Variants in GAREM2 observed in about 807,000 individuals in gnomAD.
GAREM2 encodes GRB2 associated regulator of MAPK1 subtype 2, also known as GRB2-associated and regulator of MAPK protein 2.
In GAREM2, 30 loss-of-function variants were observed where a neutral mutation model predicts 55.6. The observed-to-expected ratio is 0.54, with a 90% CI of 0.40 to 0.73. The LOEUF (loss-of-function observed/expected upper bound fraction) is 0.73, where lower values mean the gene tolerates loss of function less well. Among genes scored for constraint, GAREM2 ranks in the 30% least tolerant of loss-of-function variants. GAREM2 has a pLI of 0.00. For synonymous variants in GAREM2, 550 were observed against 569.1 expected, an observed-to-expected ratio of 0.97 and a Z score of 0.48; for missense variants, 1,075 against 1,257.7, an observed-to-expected ratio of 0.85 and a Z score of 2.20.
At chr2:26,178,469 G>A (rs1668934151) in intron 2 of GAREM2, among the ~76,000 whole-genome samples, 1 of 152,096 alleles carries the variant, frequency 6.6e-6, no homozygotes, top group Admixed American at 6.5e-5. Flanking sequence ...CTGTAGTCTG[G>A]CTACTGGGGA....
At chr2:26,173,976 C>G (rs1362992239) in intron 1 of GAREM2, among the ~76,000 whole-genome samples, 2 of 152,120 alleles carry the variant, frequency 1.3e-5, no homozygotes, top group Admixed American at 6.5e-5. Context: ...GCTGATGGAA[C>G]CACGCATGGG....
downstream of GAREM2, chr2:26,191,085 G>T: frequency 1.4e-6 from 1 of 700,838 alleles, no homozygotes; most frequent in Non-Finnish European, 2.5e-6. Flanking sequence ...CACTTCACCA[G>T]GAGGGAGAGA....
chr2:26,174,036 G>C (rs996219631), intron 1 of GAREM2, among the ~76,000 whole-genome samples: 1 of 152,238 alleles, frequency 6.6e-6, no homozygotes, highest in Non-Finnish European at 1.5e-5. Flanking sequence ...GGACCGTTTG[G>C]GGGGAGGGGG....
intron 2 of GAREM2, among the ~76,000 whole-genome samples, chr2:26,178,488 C>G (rs914150584): frequency 6.6e-6 from 1 of 152,054 alleles, no homozygotes; most frequent in East Asian, 1.9e-4. Context: ...GATACTGAAG[C>G]CAGGTGGGGG....
downstream of GAREM2, chr2:26,189,755 G>A (rs2147747010): frequency 6.6e-6 from 1 of 152,418 alleles, no homozygotes; most frequent in African/African-American, 2.4e-5. Context: ...GAGGACTGAT[G>A]GAGGAATGAT....
chr2:26,181,252 C>T (rs1267050304), intron 2 of GAREM2: 1 of 519,248 alleles, frequency 1.9e-6, no homozygotes, highest in Admixed American at 6.4e-5. Flanking sequence ...TGCATCCCCT[C>T]CTGTCCTCCC....
Position 26,184,822 on chromosome 2 carries a change from C to A in GAREM2, c.974C>A (p.Ala325Glu). Residue 325 changes from alanine (A) to glutamate (E), a missense_variant, in exon 4 of 6, where the codon GCG becomes GAG. By Grantham distance (107) the Ala-to-Glu change is moderately radical (BLOSUM62 -1). Around this residue, in one of 6 missense-constraint regions of GAREM2, gnomAD observed 170 missense variants for 220.7 expected, o/e 0.77. Transcript: ENST00000401533. ...FLLLTDTPRFALPQGLLAGDP... is the reference protein window; with the variant it reads ...FLLLTDTPRFELPQGLLAGDP... ...CTGCTCACGGACACGCCGCGCTTCG[C>A]GCTGCCGCAGGGCCTGCTGGCCGGG... 6.7e-7 allele frequency: 1 copy of A among 1,488,742 alleles called. No individual in the cohort carries two copies. Among genetic ancestry groups the A allele is most frequent in the Non-Finnish European group, 8.9e-7 (1 of 1,127,308 alleles). 92.2% of individuals were successfully genotyped at this position (1,488,742 alleles called of 1,614,324 possible). A position where few individuals can be genotyped will look rare whatever the true frequency, so the allele number is the denominator to read the frequency against.
Position 26,173,220 on chromosome 2 carries a change from C to T in GAREM2, c.-1C>T, listed in dbSNP as rs1385605964. On this transcript the variant is annotated 5_prime_UTR_variant, in exon 1 of 6. Transcript: ENST00000401533. ...GACGGCGGCCCCGGGGCGCCCATGC[C>T]ATGGAGAAGCTGGCGGCCGGGCTGG... The T allele has an allele frequency of 1.5e-6, 2 of 1,295,418 alleles. No individual in the cohort carries two copies. The highest frequency in any genetic ancestry group is 3.8e-5 in the Admixed American group (1 of 26,044). The allele number at this position is 1,295,418 out of a possible 1,614,324, so 80.2% of individuals were successfully genotyped here.
the GAREM2 span, among the ~76,000 whole-genome samples, chr2:26,196,741 G>C: frequency 6.6e-6 from 1 of 152,192 alleles, no homozygotes; most frequent in East Asian, 1.9e-4. Flanking sequence ...TGCTTGCTCT[G>C]CTCCGATGGC....
downstream of GAREM2, chr2:26,193,848 C>A: frequency 8.8e-7 from 1 of 1,136,178 alleles, no homozygotes; most frequent in Non-Finnish European, 1.3e-6. Context: ...GTACTGGCTC[C>A]AAACACTGCC....
At position 26,187,799 on chromosome 2, in the gene GAREM2, A is replaced by C; in HGVS notation, c.2167A>C (p.Arg723=). Residue 723 remains arginine, a synonymous_variant, in exon 6 of 6, where the codon AGA becomes CGA. Coordinates refer to ENST00000401533, the MANE Select transcript of GAREM2 (RefSeq NM_001168241.2). ...TGAGCTGCTGCGTTCTCAGGAGCCC[A>C]GAGCAGTGGGGACACCTGGGCCTGG... The part of the protein sequence containing the change: ...EPELLRSQEP[R]AVGTPGPGPR... 1 of 1,444,662 alleles carries C rather than the reference A, an allele frequency of 6.9e-7. No individual in the cohort carries two copies. The highest frequency in any genetic ancestry group is 9.1e-7 in the Non-Finnish European group (1 of 1,094,314). 89.5% of individuals were successfully genotyped at this position (1,444,662 alleles called of 1,614,324 possible).
At chr2:26,177,287 G>A (rs2147722065) in intron 2 of GAREM2, among the ~76,000 whole-genome samples, 1 of 152,292 alleles carries the variant, frequency 6.6e-6, no homozygotes, top group South Asian at 2.1e-4. Flanking sequence ...GTGTGGGAGG[G>A]ATGGGAGTCT....
At chr2:26,187,164 T>A in intron 5 of GAREM2, 67 bp from the exon 6 acceptor site, 1 of 1,405,342 alleles carries the variant, frequency 7.1e-7, no homozygotes. Context: ...GCAATGCATG[T>A]GTGACCCTAT....
downstream of GAREM2, chr2:26,192,568 T>G (rs1377784633): frequency 1.5e-6 from 1 of 677,604 alleles, no homozygotes; most frequent in Non-Finnish European, 2.7e-6. Context: ...GGAGGATCAT[T>G]TGAGGTCAGG....
At chr2:26,187,162 T>C (rs1669289735) in intron 5 of GAREM2, 69 bp from the exon 6 acceptor site, 2 of 1,402,730 alleles carry the variant, frequency 1.4e-6, no homozygotes, top group Non-Finnish European at 1.9e-6. Context: ...TTGCAATGCA[T>C]GTGTGACCCT....
At chr2:26,175,094 T>TA (rs984748268) in intron 1 of GAREM2, among the ~76,000 whole-genome samples, 3 of 148,722 alleles carry the variant, frequency 2.0e-5, no homozygotes, top group Non-Finnish European at 4.4e-5. Flanking sequence ...CACACACACA[T>TA]ACACACACAC....
the GAREM2 span, among the ~76,000 whole-genome samples, chr2:26,196,440 TTCACA>T: frequency 6.6e-6 from 1 of 152,318 alleles, no homozygotes; most frequent in African/African-American, 2.4e-5. Context: ...TCTTGAAGTG[TTCACA>T]TCAATGAGTT....
chr2:26,197,201 T>C, the GAREM2 span, among the ~76,000 whole-genome samples: 1 of 152,206 alleles, frequency 6.6e-6, no homozygotes, highest in African/African-American at 2.4e-5. Context: ...AAAATAAATT[T>C]CTGGGCATCA....
chr2:26,177,477 G>A (rs763633698), intron 2 of GAREM2, among the ~76,000 whole-genome samples: 13 of 152,228 alleles, frequency 8.5e-5, no homozygotes, highest in Non-Finnish European at 1.5e-4. Context: ...GGCTCCAGGA[G>A]TTTCAGTGGC....
Sources: gnomAD v4.1 joint callset for allele counts (sites outside exome capture counted in the v4.1 genomes callset) on GRCh38, gnomAD v4.1.1 for gene constraint, gnomAD v4.1.1 regional missense constraint, MANE v1.5 for transcripts, NCBI Gene and HGNC (gene_info 2026-07-23, HGNC 2026-07-21) for gene names.